SORCS3: variants seen among roughly 807,000 people sequenced by gnomAD.
SORCS3 encodes the protein VPS10 domain-containing receptor SorCS3.
Under a neutral mutation model 146.3 loss-of-function variants are expected in SORCS3, and 57 were observed. The ratio of observed to expected loss-of-function variants is 0.39; its 90% CI spans 0.31 to 0.49. SORCS3 has a LOEUF of 0.49. Ranked by LOEUF, SORCS3 falls within the 20% of genes least tolerant of loss-of-function variation. The probability of loss-of-function intolerance (pLI) is 0.92; values close to 1 mark genes in which losing one functional copy is unlikely to be tolerated. For missense variants in SORCS3, 1,341 were observed against 1,575.5 expected (o/e 0.85, Z 2.52); for synonymous variants, 653 against 618.5 (o/e 1.06, Z -0.83).
At chr10:105,046,314 A>G (rs1191178808) in intron 5 of SORCS3, among the ~76,000 whole-genome samples, 1 of 151,960 alleles carries the variant, frequency 6.6e-6, no homozygotes, top group East Asian at 1.9e-4. Context: ...ACCCTGCGCA[A>G]ATATTGTTAT....
chr10:104,894,244 T>G (rs2018776974), intron 2 of SORCS3, among the ~76,000 whole-genome samples: 1 of 152,186 alleles, frequency 6.6e-6, no homozygotes, highest in African/African-American at 2.4e-5. Context: ...CAAATAGTGT[T>G]AGAGGAGGGA....
At chr10:105,084,750 A>G (rs1209297677) in intron 5 of SORCS3, among the ~76,000 whole-genome samples, 2 of 137,508 alleles carry the variant, frequency 1.5e-5, no homozygotes, top group Admixed American at 1.5e-4. Flanking sequence ...TTTTTTTTTG[A>G]GATGGAGTCT....
In SORCS3 at chr10:104,641,354, C is replaced by T. The variant is rs2015411261; in HGVS notation, c.27C>T (p.Pro9=). The change falls in exon 1 of 27, where the codon CCC becomes CCT. Residue 9 remains proline, a synonymous_variant. Coordinates refer to ENST00000369701, the MANE Select transcript of SORCS3 (RefSeq NM_014978.3). This position sits in a 1 kb window ranked among gnomAD's most constrained non-coding sequence, Gnocchi z 6.4. ...TGGAGGCGGCGCGCACGGAGCGCCC[C>T]GCAGGCAGGCCGGGGGCGCCGCTTG... MEAARTER[P]AGRPGAPLVR... is the part of the protein sequence containing the mutation. The T allele has an allele frequency of 1.4e-6, 2 of 1,381,624 alleles. No individual in the cohort carries two copies. The highest frequency in any genetic ancestry group is 1.9e-6 in the Non-Finnish European group (2 of 1,071,822). 85.6% of individuals were successfully genotyped at this position (1,381,624 alleles called of 1,614,324 possible).
intron 1 of SORCS3, among the ~76,000 whole-genome samples, chr10:104,716,996 A>T (rs2016486865): frequency 6.6e-6 from 1 of 152,234 alleles, no homozygotes; most frequent in Non-Finnish European, 1.5e-5. Flanking sequence ...TAGCCTTGAA[A>T]ATGGCAGCAT....
intron 5 of SORCS3, among the ~76,000 whole-genome samples, chr10:105,083,712 A>T (rs539923786): frequency 6.6e-6 from 1 of 152,154 alleles, no homozygotes; most frequent in African/African-American, 2.4e-5. Context: ...TCTATTCTCA[A>T]CTTTTCCTTC....
intron 3 of SORCS3, among the ~76,000 whole-genome samples, chr10:104,969,689 A>C (rs2054847807): frequency 6.6e-6 from 1 of 152,126 alleles, no homozygotes; most frequent in Non-Finnish European, 1.5e-5. Flanking sequence ...AAGCTCCATA[A>C]AACTGCCACT....
At chr10:105,021,994 G>A (rs2055200882) in intron 4 of SORCS3, among the ~76,000 whole-genome samples, 1 of 152,190 alleles carries the variant, frequency 6.6e-6, no homozygotes, top group Non-Finnish European at 1.5e-5. Context: ...TTTGGAAAAG[G>A]CAAACCTGTG....
intron 7 of SORCS3, among the ~76,000 whole-genome samples, chr10:105,129,902 G>A (rs372012823): frequency 6.6e-5 from 10 of 152,076 alleles, no homozygotes; most frequent in African/African-American, 9.7e-5. Flanking sequence ...CTTTATCCCT[G>A]ATCAACTGGG....
chr10:104,913,995 C>T (rs1397013749), intron 2 of SORCS3, among the ~76,000 whole-genome samples: 1 of 152,004 alleles, frequency 6.6e-6, no homozygotes, highest in Admixed American at 6.6e-5. Context: ...TCTCAAACTC[C>T]TGACCTCAGG....
intron 20 of SORCS3, among the ~76,000 whole-genome samples, chr10:105,227,835 A>C (rs182583483): frequency 6.6e-6 from 1 of 151,326 alleles, no homozygotes; most frequent in Non-Finnish European, 1.5e-5. Flanking sequence ...TTTTTTACTT[A>C]AAGTTTGTTT....
chr10:104,922,162 CAT>C (rs1390896725), intron 3 of SORCS3, among the ~76,000 whole-genome samples: 1 of 152,186 alleles, frequency 6.6e-6, no homozygotes, highest in Non-Finnish European at 1.5e-5. Context: ...TTAACCAAAA[CAT>C]AGCACAGAAT....
chr10:105,203,004 G>C (rs922930131), intron 16 of SORCS3, among the ~76,000 whole-genome samples: 4 of 152,192 alleles, frequency 2.6e-5, no homozygotes, highest in Non-Finnish European at 5.9e-5. Context: ...AGTGGGCACA[G>C]AGCAGCTGCC....
At chr10:104,779,162 C>G (rs1362021587) in intron 1 of SORCS3, among the ~76,000 whole-genome samples, 1 of 152,214 alleles carries the variant, frequency 6.6e-6, no homozygotes, top group African/African-American at 2.4e-5. Context: ...TTCCCTGGAG[C>G]CTCCAGACAG....
In SORCS3 at chr10:104,887,971, G is replaced by GGGGGTGC. The variant is rs145157471; in HGVS notation, c.696-27861_696-27860insGGGTGCG. ...AACATGGTGGGGGCGGGGGGGCGGG[G>GGGGGTGC]GCGGAGCAAGCCCATGAAGACAGCA... On this transcript the variant is annotated intron_variant, in intron 2 of 26. Transcript: ENST00000369701. 2.9e-4 allele frequency among the ~76,000 whole-genome samples: 24 copies of GGGGGTGC among 83,096 alleles called. 1 individual carries two copies. The highest frequency in any genetic ancestry group is 1.8e-3 in the South Asian group (5 of 2,832). 54.5% of individuals were successfully genotyped at this position (83,096 alleles called of 152,430 possible). A position where few individuals can be genotyped will look rare whatever the true frequency, so the allele number is the denominator to read the frequency against.
chr10:105,214,719 G>T (rs1177036207), intron 18 of SORCS3, 106 bp downstream of exon 18: 3 of 1,095,906 alleles, frequency 2.7e-6, no homozygotes, highest in Non-Finnish European at 3.8e-6. Context: ...CAAAGTCAAT[G>T]GTGAGAAGCT....
At chr10:105,206,038 A>T (rs567331289) in intron 16 of SORCS3, among the ~76,000 whole-genome samples, 247 of 152,308 alleles carry the variant, frequency 1.6e-3, no homozygotes, top group African/African-American at 5.6e-3. Context: ...CACAGCACAT[A>T]CATTCAGATG....
chr10:104,708,282 C>T (rs920791800), intron 1 of SORCS3, among the ~76,000 whole-genome samples: 1 of 152,194 alleles, frequency 6.6e-6, no homozygotes, highest in African/African-American at 2.4e-5. Flanking sequence ...GATCAGCCCA[C>T]CCACAGCTGT....
At position 105,241,474 on chromosome 10, in the gene SORCS3, C is replaced by T. The variant is rs1295893569; in HGVS notation, c.2869-4068C>T. Among the ~76,000 whole-genome samples, 4 of 152,196 alleles carry T rather than the reference C, an allele frequency of 2.6e-5. No individual in the cohort carries two copies. The East Asian group carries it at 7.7e-4, about 29-fold the overall frequency. On this transcript the variant is annotated intron_variant, in intron 20 of 26. Coordinates refer to ENST00000369701, the MANE Select transcript of SORCS3 (RefSeq NM_014978.3). Reference sequence around the variant, plus strand: ...AGTGGCATGTTAGCAGCTCAGTTGGCCCCTTGCCTTGTCATGTGGGGCAGC... The same window carrying T: ...AGTGGCATGTTAGCAGCTCAGTTGGTCCCTTGCCTTGTCATGTGGGGCAGC...
chr10:105,125,809 G>A (rs1024536513), intron 7 of SORCS3, among the ~76,000 whole-genome samples: 4 of 152,060 alleles, frequency 2.6e-5, no homozygotes, highest in Non-Finnish European at 1.5e-5. Flanking sequence ...CAAGCGATGT[G>A]ACGTTTCTGA....
Sources: gnomAD v4.1 joint callset for allele counts (sites outside exome capture counted in the v4.1 genomes callset) on GRCh38, gnomAD v4.1.1 for gene constraint, Gnocchi (gnomAD v3.1) non-coding constraint, MANE v1.5 for transcripts, NCBI Gene and HGNC (gene_info 2026-07-23, HGNC 2026-07-21) for gene names.